MBNL1: variants seen among roughly 807,000 people sequenced by gnomAD.
MBNL1 encodes muscleblind like splicing regulator 1.
Under a neutral mutation model 42.2 loss-of-function variants are expected in MBNL1, and 8 were observed. The observed-to-expected ratio is 0.19, with a 90% confidence interval of 0.11 to 0.34. The LOEUF is 0.34. MBNL1 is among the 10% of genes least tolerant of loss of function. The pLI is 1.00. For missense variants in MBNL1, 309 were observed against 495.3 expected (o/e 0.62, Z 3.57); for synonymous variants, 169 against 173.9 (o/e 0.97, Z 0.22).
chr3:152,290,719 CTA>C (rs1204093397), intron 1 of MBNL1, among the ~76,000 whole-genome samples: 2 of 152,224 alleles, frequency 1.3e-5, no homozygotes, highest in Middle Eastern at 3.4e-3. Context: ...AATATGAAAA[CTA>C]TGATTTTGGC....
At chr3:152,353,436 C>A (rs1247476511) in intron 2 of MBNL1, among the ~76,000 whole-genome samples, 1 of 152,084 alleles carries the variant, frequency 6.6e-6, no homozygotes, top group Non-Finnish European at 1.5e-5. Flanking sequence ...AGTAGTCAGG[C>A]AGAGGAAATA....
chr3:152,385,513 A>G (rs887060042), intron 2 of MBNL1, among the ~76,000 whole-genome samples: 4 of 152,092 alleles, frequency 2.6e-5, no homozygotes, highest in African/African-American at 9.7e-5. Flanking sequence ...ATGATGGACA[A>G]TTAATACTAA....
intron 1 of MBNL1, among the ~76,000 whole-genome samples, chr3:152,289,817 A>T (rs1319044455): frequency 6.6e-6 from 1 of 152,082 alleles, no homozygotes; most frequent in Admixed American, 6.5e-5. Context: ...TGGAATAAGA[A>T]ATATGTTAGT....
At chr3:152,378,152 C>T (rs1174947005) in intron 2 of MBNL1, among the ~76,000 whole-genome samples, 4 of 151,974 alleles carry the variant, frequency 2.6e-5, no homozygotes, top group African/African-American at 9.7e-5. Flanking sequence ...GCCTGGGCAA[C>T]ATAGCAAGAC....
intron 1 of MBNL1, among the ~76,000 whole-genome samples, chr3:152,272,808 G>C (rs1247165371): frequency 6.6e-6 from 1 of 152,142 alleles, no homozygotes; most frequent in Non-Finnish European, 1.5e-5. Context: ...GGTAAACAAA[G>C]CACAATGGCA....
Position 152,465,553 on chromosome 3 carries a change from T to G in MBNL1, c.*3187T>G, listed in dbSNP as rs951312208. The G allele has an allele frequency of 1.3e-5, 2 of 152,656 alleles. No individual in the cohort carries two copies. Among genetic ancestry groups the G allele is most frequent in the Non-Finnish European group, 2.9e-5 (2 of 68,036 alleles). 9.5% of individuals were successfully genotyped at this position (152,656 alleles called of 1,614,324 possible). On this transcript the variant is annotated 3_prime_UTR_variant, in exon 10 of 10. Transcript: ENST00000324210. Reference sequence around the variant, plus strand: ...CTTCACTCCAGCTGGTTAAAAATGTTGCACTTATCAGCAACCCTACCACTT... The same window carrying G: ...CTTCACTCCAGCTGGTTAAAAATGTGGCACTTATCAGCAACCCTACCACTT...
intron 2 of MBNL1, among the ~76,000 whole-genome samples, chr3:152,309,013 G>A (rs1159264728): frequency 6.6e-6 from 1 of 152,140 alleles, no homozygotes; most frequent in Non-Finnish European, 1.5e-5. Flanking sequence ...TACTAACAGG[G>A]AGACTAGTAT....
intron 4 of MBNL1, among the ~76,000 whole-genome samples, chr3:152,435,466 G>T (rs1338277712): frequency 6.6e-6 from 1 of 152,166 alleles, no homozygotes; most frequent in Non-Finnish European, 1.5e-5. Flanking sequence ...TTTGAGTCAG[G>T]TAATGTGATG....
chr3:152,461,263 T>C (rs1229255235), intron 9 of MBNL1, among the ~76,000 whole-genome samples: 2 of 152,212 alleles, frequency 1.3e-5, no homozygotes, highest in East Asian at 1.9e-4. Flanking sequence ...GCCAAAGATA[T>C]GCTGCAATCG....
intron 2 of MBNL1, among the ~76,000 whole-genome samples, chr3:152,356,852 G>A (rs991673715): frequency 4.0e-5 from 3 of 75,332 alleles, no homozygotes; most frequent in African/African-American, 1.2e-4. Context: ...GGGCATATGT[G>A]TGTAGTGTGT....
At chr3:152,449,424 T>G (rs1396322278) in intron 6 of MBNL1, 1 of 152,198 alleles carries the variant, frequency 6.6e-6, no homozygotes, top group Non-Finnish European at 1.5e-5. Flanking sequence ...AAAAAACAAA[T>G]CTGTGCTATT....
intron 2 of MBNL1, among the ~76,000 whole-genome samples, chr3:152,385,001 A>C (rs959203963): frequency 6.6e-6 from 1 of 151,982 alleles, no homozygotes; most frequent in African/African-American, 2.4e-5. Flanking sequence ...CTATGGTGTA[A>C]TTTTCAGAAT....
At chr3:152,335,279 G>C in intron 2 of MBNL1, 1 of 1,289,434 alleles carries the variant, frequency 7.8e-7, no homozygotes, top group Non-Finnish European at 1.0e-6. Context: ...ATACCATTTG[G>C]GTAGGCCTGC....
chr3:152,269,916 CTTT>C (rs76465541), intron 1 of MBNL1: 5 of 101,436 alleles, frequency 4.9e-5, no homozygotes, highest in South Asian at 5.9e-4. Context: ...CACCCCCCAA[CTTT>C]TTTTTTTTTT....
chr3:152,318,121 G>T (rs1203794494), intron 2 of MBNL1, among the ~76,000 whole-genome samples: 1 of 152,162 alleles, frequency 6.6e-6, no homozygotes, highest in African/African-American at 2.4e-5. Flanking sequence ...AATGAGTCAA[G>T]CAAGCAATTT....
At chr3:152,344,175 C>T (rs1051347818) in intron 2 of MBNL1, among the ~76,000 whole-genome samples, 1 of 151,928 alleles carries the variant, frequency 6.6e-6, no homozygotes, top group Non-Finnish European at 1.5e-5. Context: ...CAGTCAGAAT[C>T]TAAGTTAAAA....
At chr3:152,329,696 T>G (rs897611990) in intron 2 of MBNL1, among the ~76,000 whole-genome samples, 4 of 140,168 alleles carry the variant, frequency 2.9e-5, no homozygotes, top group African/African-American at 8.6e-5. Context: ...TCTTATATAT[T>G]ATATATATAT....
At chr3:152,393,816 C>T (rs1351961225) in intron 2 of MBNL1, among the ~76,000 whole-genome samples, 4 of 152,122 alleles carry the variant, frequency 2.6e-5, no homozygotes, top group Non-Finnish European at 5.9e-5. Flanking sequence ...CTATAGTTGG[C>T]ACAGTGAATT....
In MBNL1 at chr3:152,455,660, TATATC is replaced by T. The variant is rs1412669709; in HGVS notation, c.997+84_997+88del. 7.2e-5 allele frequency: 89 copies of T among 1,234,898 alleles called. No homozygotes were observed. The East Asian group carries it at 2.1e-3, about 29-fold the overall frequency. The allele number at this position is 1,234,898 out of a possible 1,614,324, so 76.5% of individuals were successfully genotyped here. ...TCAAAATCCACTGCTAAGTTTAACTTATATCTATTGGGCAAGTCCATTTCCCTTTT... is the reference window on the plus strand; with the variant it reads ...TCAAAATCCACTGCTAAGTTTAACTTTATTGGGCAAGTCCATTTCCCTTTT... On this transcript the variant is annotated intron_variant, in intron 7 of 9. Coordinates refer to ENST00000324210, the MANE Select transcript of MBNL1 (RefSeq NM_021038.5).
Sources: allele counts gnomAD v4.1 joint callset (sites outside exome capture counted in the v4.1 genomes callset), GRCh38; gene constraint gnomAD v4.1.1; transcripts MANE v1.5; gene names NCBI Gene and HGNC (gene_info 2026-07-23, HGNC 2026-07-21).